Variants in SHISA9 observed in about 807,000 individuals in gnomAD.
The protein encoded by SHISA9 is protein shisa-9.
Under a neutral mutation model 38.0 loss-of-function variants are expected in SHISA9, and 13 were observed. The ratio of observed to expected loss-of-function variants is 0.34; its 90% CI spans 0.22 to 0.54. The LOEUF is 0.54. Ranked by LOEUF, SHISA9 falls within the 20% of genes least tolerant of loss-of-function variation. The pLI, the probability that SHISA9 is intolerant of heterozygous loss-of-function variation, is 0.91. For synonymous variants in SHISA9, 275 were observed against 242.0 expected (o/e 1.14, Z -1.27); for missense variants, 538 against 575.8 (o/e 0.93, Z 0.67).
intron 2 of SHISA9, among the ~76,000 whole-genome samples, chr16:12,933,170 A>C (rs2071483923): frequency 6.6e-6 from 1 of 152,214 alleles, no homozygotes; most frequent in Admixed American, 6.5e-5. Context: ...TGAAACATAT[A>C]ATAAACTTTT....
At chr16:12,998,384 T>C (rs1417711325) in intron 2 of SHISA9, among the ~76,000 whole-genome samples, 1 of 152,214 alleles carries the variant, frequency 6.6e-6, no homozygotes, top group African/African-American at 2.4e-5. Context: ...CTTTTCCCGA[T>C]GTGGTAATTC....
chr16:12,955,669 T>C (rs2071822489), intron 2 of SHISA9, among the ~76,000 whole-genome samples: 2 of 150,508 alleles, frequency 1.3e-5, no homozygotes, highest in African/African-American at 4.9e-5. Context: ...GGACAGCCTT[T>C]TAAATAAATG....
intron 3 of SHISA9, among the ~76,000 whole-genome samples, chr16:13,211,078 C>G (rs1428303969): frequency 6.6e-6 from 1 of 152,182 alleles, no homozygotes; most frequent in Non-Finnish European, 1.5e-5. Flanking sequence ...AGACAGATCA[C>G]TTGAGATCAG....
intron 2 of SHISA9, among the ~76,000 whole-genome samples, chr16:13,030,627 G>C (rs565673612): frequency 6.6e-6 from 1 of 152,274 alleles, no homozygotes; most frequent in East Asian, 1.9e-4. Flanking sequence ...GAAACATCAT[G>C]TTTTTCTGCT....
chr16:13,004,623 G>A (rs2072571674), intron 2 of SHISA9, among the ~76,000 whole-genome samples: 1 of 151,974 alleles, frequency 6.6e-6, no homozygotes, highest in Non-Finnish European at 1.5e-5. Context: ...TAGACAAGAT[G>A]GTGAAAAAGA....
intron 2 of SHISA9, among the ~76,000 whole-genome samples, chr16:12,960,321 T>C (rs1211441886): frequency 1.3e-5 from 2 of 152,194 alleles, no homozygotes; most frequent in Non-Finnish European, 2.9e-5. Context: ...AGGGTACATG[T>C]GCAGGATGTG....
chr16:13,066,722 G>C (rs970752502), intron 2 of SHISA9, among the ~76,000 whole-genome samples: 2 of 152,230 alleles, frequency 1.3e-5, no homozygotes, highest in African/African-American at 4.8e-5. Context: ...CACAAAGTAG[G>C]CATGTAGTAA....
At chr16:13,420,882 C>G in the SHISA9 span, among the ~76,000 whole-genome samples, 1 of 152,176 alleles carries the variant, frequency 6.6e-6, no homozygotes, top group African/African-American at 2.4e-5. Flanking sequence ...AATCCTCTCA[C>G]GTAGACATTG....
chr16:13,040,479 A>C (rs1398785383), intron 2 of SHISA9, among the ~76,000 whole-genome samples: 1 of 152,206 alleles, frequency 6.6e-6, no homozygotes, highest in Non-Finnish European at 1.5e-5. Context: ...CTGCCCTGCC[A>C]GTCTCTTTCT....
At chr16:13,524,332 C>A in the SHISA9 span, among the ~76,000 whole-genome samples, 1 of 152,186 alleles carries the variant, frequency 6.6e-6, no homozygotes, top group Non-Finnish European at 1.5e-5. Context: ...ATAAATATGG[C>A]CAAGAGTAGA....
chr16:12,989,423 C>T (rs1208533495), intron 2 of SHISA9, among the ~76,000 whole-genome samples: 2 of 152,126 alleles, frequency 1.3e-5, no homozygotes, highest in African/African-American at 4.8e-5. Context: ...AGTGATCTGC[C>T]TGCCTCAGCC....
the SHISA9 span, among the ~76,000 whole-genome samples, chr16:13,497,832 A>T: frequency 6.6e-6 from 1 of 152,178 alleles, no homozygotes. Context: ...AGAAAAGATA[A>T]ATGGTGCTGG....
chr16:13,230,891 A>G (rs780574039), intron 4 of SHISA9, among the ~76,000 whole-genome samples: 4 of 152,172 alleles, frequency 2.6e-5, no homozygotes, highest in Non-Finnish European at 5.9e-5. Flanking sequence ...GTAAACTGTC[A>G]TGGCGCTGGT....
the SHISA9 span, among the ~76,000 whole-genome samples, chr16:13,247,844 C>A: frequency 6.6e-6 from 1 of 152,114 alleles, no homozygotes; most frequent in Admixed American, 6.5e-5. Context: ...TATAAAAGGG[C>A]AACTCATTTT....
intron 2 of SHISA9, among the ~76,000 whole-genome samples, chr16:12,959,622 C>T (rs1240627720): frequency 6.6e-6 from 1 of 152,190 alleles, no homozygotes; most frequent in Non-Finnish European, 1.5e-5. Context: ...AGAGAGATAA[C>T]CATTGTTAGA....
intron 2 of SHISA9, among the ~76,000 whole-genome samples, chr16:13,003,854 T>A (rs2072557811): frequency 7.3e-6 from 1 of 136,712 alleles, no homozygotes; most frequent in African/African-American, 3.2e-5. Flanking sequence ...CGAGACTCCG[T>A]CTCAAAATAA....
At chr16:13,172,108 G>A (rs2142022140) in intron 2 of SHISA9, among the ~76,000 whole-genome samples, 1 of 151,646 alleles carries the variant, frequency 6.6e-6, no homozygotes, top group African/African-American at 2.4e-5. Context: ...TATAAAATGA[G>A]CTAACTGAAT....
chr16:13,018,138 C>G (rs77221366), intron 2 of SHISA9, among the ~76,000 whole-genome samples: 2 of 152,192 alleles, frequency 1.3e-5, no homozygotes, highest in African/African-American at 4.8e-5. Flanking sequence ...ACCAGGTCAG[C>G]TGTTCTTCTC....
chr16:13,498,687 GT>G, the SHISA9 span, among the ~76,000 whole-genome samples: 1 of 152,174 alleles, frequency 6.6e-6, no homozygotes, highest in Non-Finnish European at 1.5e-5. Context: ...AACATGGGAG[GT>G]GGAGGTTGCA....
Sources: allele counts gnomAD v4.1 joint callset (sites outside exome capture counted in the v4.1 genomes callset), GRCh38; gene constraint gnomAD v4.1.1; transcripts MANE v1.5; gene names NCBI Gene and HGNC (gene_info 2026-07-23, HGNC 2026-07-21).